The following NOTCH2 variants were observed in gnomAD, a reference collection of about 807,000 sequenced individuals.
NOTCH2 encodes notch receptor 2.
NOTCH2 carries 29 observed loss-of-function variants against 235.8 expected under a neutral mutation model. The observed-to-expected ratio is 0.12, with a 90% CI of 0.09 to 0.17. The LOEUF is 0.17. Among genes scored for constraint, NOTCH2 ranks in the 10% least tolerant of loss-of-function variants. The pLI, the probability that NOTCH2 is intolerant of heterozygous loss-of-function variation, is 1.00. For missense variants in NOTCH2, 2,285 were observed against 3,150.2 expected, an observed-to-expected ratio of 0.73 and a Z score of 6.57; for synonymous variants, 1,086 against 1,141.5, an observed-to-expected ratio of 0.95 and a Z score of 0.98.
intron 26 of NOTCH2, 67 bp downstream of exon 26, chr1:119,923,557 GTTGAGTTATGACT>G: frequency 8.2e-7 from 1 of 1,220,850 alleles, no homozygotes; most frequent in South Asian, 1.2e-5. Flanking sequence ...ATTTCTATAG[GTTGAGTTATGACT>G]TGTGCTATAT....
At chr1:119,944,354 T>C (rs1650176834) in intron 17 of NOTCH2, among the ~76,000 whole-genome samples, 1 of 151,682 alleles carries the variant, frequency 6.6e-6, no homozygotes, top group African/African-American at 2.4e-5. Flanking sequence ...GCTAACACGG[T>C]GAAACCCCAT....
intron 26 of NOTCH2, among the ~76,000 whole-genome samples, chr1:119,923,291 T>A (rs931468999): frequency 1.3e-5 from 2 of 152,168 alleles, no homozygotes; most frequent in Non-Finnish European, 2.9e-5. Flanking sequence ...CAAAGAGACA[T>A]ATATTCTAAA....
At position 119,940,569 on chromosome 1, in the gene NOTCH2, C is replaced by T. The variant is rs1650029028; in HGVS notation, c.3169G>A (p.Gly1057Arg). The change falls in exon 19 of 34, where the codon GGG becomes AGG. Residue 1057 changes from glycine (G) to arginine (R), a missense_variant. Coordinates refer to ENST00000256646, the MANE Select transcript of NOTCH2 (RefSeq NM_024408.4). The stretch of plus-strand genomic sequence containing the variant: ...AAGTCAATTACCTGACAGTTTTTCC[C>T]AGTGTAGCCCAGGGGGCAGCTGCAG... ...YRCSCPLGYTGKNCQTLVNLC... is the reference protein window; with the variant it reads ...YRCSCPLGYTRKNCQTLVNLC... The T allele has an allele frequency of 6.2e-7, 1 of 1,613,510 alleles. No individual in the cohort carries two copies. Among genetic ancestry groups the T allele is most frequent in the Non-Finnish European group, 8.5e-7 (1 of 1,179,818 alleles).
rs782469216 is a variant in NOTCH2, at chr1:120,051,275, G to GCA, written c.73+18057_73+18058dup. On this transcript the variant is annotated intron_variant, in intron 1 of 33. Coordinates refer to ENST00000256646, the MANE Select transcript of NOTCH2 (RefSeq NM_024408.4). Reference sequence around the variant, plus strand: ...CACACACACACACACACACACACACGCACACACACACAGAGTTAAATCAGA... The same window carrying GCA: ...CACACACACACACACACACACACACGCACACACACACACAGAGTTAAATCAGA... 1.3e-4 allele frequency among the ~76,000 whole-genome samples: 8 copies of GCA among 62,778 alleles called. 1 individual carries two copies. Among genetic ancestry groups the GCA allele is most frequent in the East Asian group, 3.5e-4 (1 of 2,818 alleles). The allele number at this position is 62,778 out of a possible 152,430, so 41.2% of individuals were successfully genotyped here.
rs868908219 is a variant in NOTCH2 at position 119,986,902 on chromosome 1, T to C, written c.874+58A>G. ...TGTTACTGATATTTTAAAAAAACAG[T>C]CTGCCTCTGGTTACCAATCCATATC... On this transcript the variant is annotated intron_variant, in intron 5 of 33. Transcript: ENST00000256646. 8 of 1,611,292 alleles carry C rather than the reference T, an allele frequency of 5.0e-6. No homozygotes were observed. In the Middle Eastern group the frequency reaches 6.6e-4, roughly 133 times the overall value.
At chr1:119,972,083 G>A (rs1458464833) in intron 5 of NOTCH2, among the ~76,000 whole-genome samples, 2 of 149,056 alleles carry the variant, frequency 1.3e-5, no homozygotes, top group African/African-American at 2.5e-5. Flanking sequence ...GAGGGAATGC[G>A]TGAGAGAGTA....
Position 119,923,704 on chromosome 1 carries a change from C to A in NOTCH2, c.4792G>T (p.Ala1598Ser), listed in dbSNP as rs587663047. ...MVYPYYGEKSAAMKKQRMTRR... is the reference protein window; with the variant it reads ...MVYPYYGEKSSAMKKQRMTRR... ...GTCATCCTCTGTTTCTTCATAGCAGCTGACTTCTCACCATAATAGGGGTAC... is the reference window on the plus strand; with the variant it reads ...GTCATCCTCTGTTTCTTCATAGCAGATGACTTCTCACCATAATAGGGGTAC... Residue 1598 changes from alanine (A) to serine (S), a missense_variant, in exon 26 of 34, where the codon GCT becomes TCT. Ala to Ser is a moderately conservative substitution (Grantham distance 99). This residue lies in a region of NOTCH2 where 1,173 missense variants were observed against 1,515.3 expected (regional missense o/e 0.77). Transcript: ENST00000256646. 1 of 1,614,232 alleles carries A rather than the reference C, an allele frequency of 6.2e-7. No homozygotes were observed. Among genetic ancestry groups the A allele is most frequent in the South Asian group, 1.1e-5 (1 of 91,082 alleles).
rs1443569299 is a variant in NOTCH2 at position 119,915,814 on chromosome 1, G to A, written c.6908C>T (p.Pro2303Leu). 3.1e-6 allele frequency: 5 copies of A among 1,613,444 alleles called. No individual in the cohort carries two copies. The highest frequency in any genetic ancestry group is 1.3e-5 in the African/African-American group (1 of 74,930). The stretch of plus-strand genomic sequence containing the variant: ...AGGGATGAGCTGGAAAGTCACAATG[G>A]GGGGCAAGGGCTCCCGAGGGGTGGT... The part of the protein sequence containing the change: ...HITTPREPLP[P>L]IVTFQLIPKG... The change falls in exon 34 of 34, where the codon CCC (proline) becomes CTC (leucine). Residue 2303 changes from proline to leucine, a missense_variant. Physicochemically the swap from Pro to Leu is moderately conservative, Grantham distance 98. Transcript: ENST00000256646.
Position 119,937,987 on chromosome 1 carries a change from C to T in NOTCH2, c.3207G>A (p.Arg1069=). 1.2e-6 allele frequency: 2 copies of T among 1,614,154 alleles called. No homozygotes were observed. The highest frequency in any genetic ancestry group is 2.2e-5 in the East Asian group (1 of 44,888). Residue 1069 remains arginine (R), a synonymous_variant, in exon 20 of 34, where the codon CGG becomes CGA. Transcript: ENST00000256646. ...NCQTLVNLCS[R]SPCKNKGTCV... ...AAGTACCTTTGTTTTTACATGGAGA[C>T]CGACTGCAGAGATTCACCAGGGTCT...
At chr1:119,922,860 A>C in intron 26 of NOTCH2, 82 bp from the exon 27 acceptor site, 1 of 1,565,848 alleles carries the variant, frequency 6.4e-7, no homozygotes, top group Non-Finnish European at 8.8e-7. Flanking sequence ...CATGTCATAA[A>C]GGGTGACAGG....
intron 5 of NOTCH2, among the ~76,000 whole-genome samples, chr1:119,985,531 C>A (rs1285592807): frequency 1.3e-5 from 2 of 152,050 alleles, no homozygotes; most frequent in African/African-American, 4.8e-5. Context: ...AAACCAGCAA[C>A]AATATTACAA....
At chr1:119,971,619 A>G (rs1570703848) in intron 5 of NOTCH2, among the ~76,000 whole-genome samples, 1 of 152,264 alleles carries the variant, frequency 6.6e-6, no homozygotes, top group South Asian at 2.1e-4. Context: ...CACAAGTTAG[A>G]GACCAGCCTG....
At chr1:119,974,713 A>ATAAG (rs1651500574) in intron 5 of NOTCH2, among the ~76,000 whole-genome samples, 1 of 152,208 alleles carries the variant, frequency 6.6e-6, no homozygotes, top group Non-Finnish European at 1.5e-5. Context: ...CTGCTTATTC[A>ATAAG]CATGGCGAGG....
At chr1:119,995,673 C>A (rs1652414943) in intron 4 of NOTCH2, 1 of 152,044 alleles carries the variant, frequency 6.6e-6, no homozygotes, top group African/African-American at 2.4e-5. Flanking sequence ...ATTATCTATT[C>A]TTTATTAAAA....
chr1:119,939,478 C>A (rs1352409685), intron 19 of NOTCH2, among the ~76,000 whole-genome samples: 2 of 152,158 alleles, frequency 1.3e-5, no homozygotes, highest in African/African-American at 4.8e-5. Flanking sequence ...TGGGTCTTGA[C>A]CAAATCTATC....
Position 119,915,672 on chromosome 1 carries a change from A to G in NOTCH2, c.7050T>C (p.Ser2350=), listed in dbSNP as rs1360707625. 6.2e-7 allele frequency: 1 copy of G among 1,613,652 alleles called. No homozygotes were observed. Among genetic ancestry groups the G allele is most frequent in the Non-Finnish European group, 8.5e-7 (1 of 1,179,756 alleles). The part of the protein sequence containing the change: ...YQIPEMARLP[S]VAFPTAMMPQ... ...GCATCATGGCAGTGGGGAAAGCCAC[A>G]CTGGGCAAACGGGCCATTTCTGGAA... Residue 2350 remains serine (S), a synonymous_variant, in exon 34 of 34, where the codon AGT becomes AGC. Coordinates refer to ENST00000256646, the MANE Select transcript of NOTCH2 (RefSeq NM_024408.4).
intron 25 of NOTCH2, among the ~76,000 whole-genome samples, 170 bp downstream of exon 25, chr1:119,925,135 C>G (rs587738549): frequency 1.3e-4 from 20 of 152,280 alleles, no homozygotes; most frequent in African/African-American, 4.3e-4. Context: ...ATTCCTGGCC[C>G]ATTGTCAGCA....
intron 3 of NOTCH2, among the ~76,000 whole-genome samples, chr1:119,998,747 T>A (rs1652585960): frequency 6.6e-6 from 1 of 150,570 alleles, no homozygotes; most frequent in African/African-American, 2.4e-5. Flanking sequence ...CATGCAGGTT[T>A]GTTACATATG....
At chr1:119,986,797 A>C (rs1451836960) in intron 5 of NOTCH2, among the ~76,000 whole-genome samples, 163 bp downstream of exon 5, 2 of 152,100 alleles carry the variant, frequency 1.3e-5, no homozygotes, top group African/African-American at 4.8e-5. Context: ...AAAATGTATG[A>C]GGTTAGTACA....
Sources: gnomAD v4.1 joint callset for allele counts (sites outside exome capture counted in the v4.1 genomes callset) on GRCh38, gnomAD v4.1.1 for gene constraint, gnomAD v4.1.1 regional missense constraint, MANE v1.5 for transcripts, NCBI Gene and HGNC (gene_info 2026-07-23, HGNC 2026-07-21) for gene names.